The following MCTP1 variants were observed in gnomAD, a reference collection of about 807,000 sequenced individuals.
MCTP1 encodes multiple C2 and transmembrane domain containing 1.
MCTP1 carries 69 observed loss-of-function variants against 120.6 expected under a neutral mutation model. The observed-to-expected ratio is 0.57, with a 90% confidence interval of 0.47 to 0.70. The LOEUF is 0.70. MCTP1 is among the 30% of genes least tolerant of loss of function. MCTP1 has a pLI of 0.00. For synonymous variants in MCTP1, 529 were observed against 493.1 expected, an observed-to-expected ratio of 1.07 and a Z score of -0.96; for missense variants, 1,203 against 1,248.8, an observed-to-expected ratio of 0.96 and a Z score of 0.55.
intron 10 of MCTP1, among the ~76,000 whole-genome samples, chr5:94,907,049 A>G (rs1051977713): frequency 2.0e-5 from 3 of 152,230 alleles, no homozygotes; most frequent in African/African-American, 7.2e-5. Flanking sequence ...AAGTAATTCT[A>G]TTATAATCTG....
intron 1 of MCTP1, among the ~76,000 whole-genome samples, chr5:95,093,076 G>C (rs1274602670): frequency 6.6e-6 from 1 of 152,236 alleles, no homozygotes; most frequent in East Asian, 1.9e-4. Context: ...CACCAATTTG[G>C]AGTAAAATAG....
chr5:95,186,705 G>T (rs575429039), intron 1 of MCTP1, among the ~76,000 whole-genome samples: 1 of 152,220 alleles, frequency 6.6e-6, no homozygotes, highest in South Asian at 2.1e-4. Flanking sequence ...AGTTGATAAA[G>T]AAGAATAAAG....
At chr5:95,121,186 G>A (rs1344643054) in intron 1 of MCTP1, among the ~76,000 whole-genome samples, 1 of 147,478 alleles carries the variant, frequency 6.8e-6, no homozygotes, top group Non-Finnish European at 1.5e-5. Context: ...GCTGAGGCAG[G>A]AGAATGGCGT....
chr5:95,228,373 A>G (rs1294980191), intron 1 of MCTP1, among the ~76,000 whole-genome samples: 1 of 152,070 alleles, frequency 6.6e-6, no homozygotes, highest in Non-Finnish European at 1.5e-5. Context: ...TTAAGAATCA[A>G]TCTTATAGAG....
intron 2 of MCTP1, among the ~76,000 whole-genome samples, chr5:94,982,835 G>T (rs1829692757): frequency 7.6e-6 from 1 of 131,416 alleles, no homozygotes; most frequent in Non-Finnish European, 1.5e-5. Context: ...GCTGCAGTGA[G>T]CCAAGATCGT....
chr5:94,875,429 T>G (rs1798632997), intron 12 of MCTP1, among the ~76,000 whole-genome samples: 1 of 152,030 alleles, frequency 6.6e-6, no homozygotes, highest in Admixed American at 6.6e-5. Flanking sequence ...CAGACAGGTC[T>G]GGAGATAGTG....
intron 1 of MCTP1, among the ~76,000 whole-genome samples, chr5:95,138,240 C>T (rs557313899): frequency 2.0e-5 from 3 of 150,784 alleles, no homozygotes; most frequent in African/African-American, 4.9e-5. Context: ...GCAACCCCCC[C>T]CCGACATTAA....
At position 95,100,035 on chromosome 5, in the gene MCTP1, A is replaced by G. The variant is rs867342937; in HGVS notation, c.721-82551T>C. Among the ~76,000 whole-genome samples the G allele has an allele frequency of 8.2e-3, 1,245 of 151,128 alleles. 12 individuals are homozygous for G. Among genetic ancestry groups the G allele is most frequent in the African/African-American group, 0.027 (1,112 of 41,200 alleles). On this transcript the variant is annotated intron_variant, in intron 1 of 22. Coordinates refer to ENST00000515393, the MANE Select transcript of MCTP1 (RefSeq NM_024717.7). ...AACTATCGCAAGAACAAAAAACCAA[A>G]CACCGCATATTCTCACTCATAGGTG...
At chr5:95,207,475 C>T (rs1751757492) in intron 1 of MCTP1, among the ~76,000 whole-genome samples, 1 of 152,118 alleles carries the variant, frequency 6.6e-6, no homozygotes, top group South Asian at 2.1e-4. Context: ...CTTCAAAATG[C>T]TTTTTAAATA....
intron 19 of MCTP1, among the ~76,000 whole-genome samples, chr5:94,735,410 C>G (rs1012089429): frequency 2.6e-5 from 4 of 152,136 alleles, no homozygotes; most frequent in African/African-American, 9.7e-5. Context: ...TCTCAAGTAG[C>G]TGAGACTACA....
chr5:94,750,236 G>C (rs1032489871), intron 19 of MCTP1, among the ~76,000 whole-genome samples: 1 of 152,180 alleles, frequency 6.6e-6, no homozygotes, highest in African/African-American at 2.4e-5. Context: ...TCTCATCATT[G>C]CTGTTCCCCT....
Position 94,843,146 on chromosome 5 carries a change from T to C in MCTP1, c.2436+25187A>G, listed in dbSNP as rs7720044. Among the ~76,000 whole-genome samples the C allele has an allele frequency of 8.8e-3, 1,328 of 151,736 alleles. 26 individuals are homozygous for C. Among genetic ancestry groups the C allele is most frequent in the African/African-American group, 0.029 (1,215 of 41,342 alleles). ...AAAATTTAACAAAAATTCATCGACA[T>C]TGACAATTTGCTATACATACAAAGC... On this transcript the variant is annotated intron_variant, in intron 17 of 22. Coordinates refer to ENST00000515393, the MANE Select transcript of MCTP1 (RefSeq NM_024717.7).
intron 1 of MCTP1, among the ~76,000 whole-genome samples, chr5:95,162,146 GA>G (rs1282194317): frequency 6.6e-6 from 1 of 152,170 alleles, no homozygotes; most frequent in Non-Finnish European, 1.5e-5. Context: ...AGTAGGCTAA[GA>G]ATAGCATTGA....
At chr5:94,932,213 TAAAAAAAAAAAA>T (rs368203326) in intron 5 of MCTP1, among the ~76,000 whole-genome samples, 2 of 95,846 alleles carry the variant, frequency 2.1e-5, no homozygotes, top group African/African-American at 4.1e-5. Context: ...TATTCCTTTG[TAAAAAAAAAAAA>T]AAAAAAAAAA....
chr5:95,283,589 A>C (rs1319942164), intron 1 of MCTP1, among the ~76,000 whole-genome samples: 2 of 152,252 alleles, frequency 1.3e-5, no homozygotes, highest in East Asian at 3.8e-4. Flanking sequence ...TACCCACTTT[A>C]GGTCTAACTT....
rs1480349462 is a variant in MCTP1, at chr5:95,257,395, G to A, written c.720+26461C>T. ...CACTTGCTATTTTTTCTAATTATAA[G>A]GTATATAATTCATGATCTAGAATTT... On this transcript the variant is annotated intron_variant, in intron 1 of 22. Coordinates refer to ENST00000515393, the MANE Select transcript of MCTP1 (RefSeq NM_024717.7). 2.0e-5 allele frequency among the ~76,000 whole-genome samples: 3 copies of A among 151,790 alleles called. No individual in the cohort carries two copies. In the East Asian group the frequency reaches 5.8e-4, roughly 29 times the overall value.
rs1005643915 is a variant in MCTP1 at position 95,017,354 on chromosome 5, C to T, written c.838+13G>A. ...AAAAAAGCTTCTAGGTGATATTGCT[C>T]TTATGCTCTTACCTCCTCGATCTCG... On this transcript the variant is annotated intron_variant, in intron 2 of 22. Coordinates refer to ENST00000515393, the MANE Select transcript of MCTP1 (RefSeq NM_024717.7). 5 of 1,554,690 alleles carry T rather than the reference C, an allele frequency of 3.2e-6. 1 individual carries two copies. In the African/African-American group the frequency reaches 6.8e-5, roughly 21 times the overall value.
chr5:94,903,216 G>A (rs1805970044), intron 10 of MCTP1, among the ~76,000 whole-genome samples: 1 of 151,958 alleles, frequency 6.6e-6, no homozygotes, highest in Non-Finnish European at 1.5e-5. Context: ...CTGACTAGCT[G>A]TCCTTGTGCT....
intron 1 of MCTP1, among the ~76,000 whole-genome samples, chr5:95,079,501 T>A (rs2152309596): frequency 6.6e-6 from 1 of 152,294 alleles, no homozygotes; most frequent in Admixed American, 6.5e-5. Flanking sequence ...GCAAAAATTT[T>A]AAAAGATATA....
Sources: allele counts gnomAD v4.1 joint callset (sites outside exome capture counted in the v4.1 genomes callset), GRCh38; gene constraint gnomAD v4.1.1; transcripts MANE v1.5; gene names NCBI Gene and HGNC (gene_info 2026-07-23, HGNC 2026-07-21).